Variants in MANBA observed in about 807,000 individuals in gnomAD.
MANBA encodes the protein beta-mannosidase.
In MANBA, 83 loss-of-function variants were observed where a neutral mutation model predicts 111.1. The observed-to-expected ratio is 0.75, with a 90% CI of 0.63 to 0.90. The LOEUF (loss-of-function observed/expected upper bound fraction) is 0.90. Ranked by LOEUF, MANBA falls within the 40% of genes least tolerant of loss-of-function variation. The pLI, the probability that MANBA is intolerant of heterozygous loss-of-function variation, is 0.00. For missense variants in MANBA, 1,036 were observed against 1,069.0 expected, an observed-to-expected ratio of 0.97 and a Z score of 0.43; for synonymous variants, 370 against 378.7, an observed-to-expected ratio of 0.98 and a Z score of 0.27.
chr4:102,706,109 C>T (rs1039008399), intron 5 of MANBA, among the ~76,000 whole-genome samples: 14 of 152,192 alleles, frequency 9.2e-5, no homozygotes, highest in African/African-American at 3.4e-4. Context: ...ACTGCCACTG[C>T]CAGCACCCAA....
chr4:102,731,158 A>G (rs992001521), intron 1 of MANBA, among the ~76,000 whole-genome samples: 2 of 152,088 alleles, frequency 1.3e-5, no homozygotes, highest in Non-Finnish European at 1.5e-5. Flanking sequence ...ACCCTTCTGC[A>G]GAAGTAAATT....
chr4:102,731,895 C>CT (rs1723044616), intron 1 of MANBA, among the ~76,000 whole-genome samples: 1 of 150,586 alleles, frequency 6.6e-6, no homozygotes, highest in Admixed American at 6.6e-5. Flanking sequence ...CTCCTACCCC[C>CT]TTTCCACTCT....
chr4:102,738,933 A>G (rs1723309747), intron 1 of MANBA, among the ~76,000 whole-genome samples: 1 of 152,252 alleles, frequency 6.6e-6, no homozygotes, highest in South Asian at 2.1e-4. Flanking sequence ...TGAAAATGAA[A>G]GACATACTTA....
At position 102,758,917 on chromosome 4, in the gene MANBA, T is replaced by C. The variant is rs72937873; in HGVS notation, c.177+1801A>G. ...CCATTTGAGACCCATGGCCACCTGA[T>C]TGAAACCTCAAGGTTTTGCTAAGAA... is the stretch of plus-strand genomic sequence containing the variant. On this transcript the variant is annotated intron_variant, in intron 1 of 16. Transcript: ENST00000647097. Among the ~76,000 whole-genome samples, 272 of 152,266 alleles carry C rather than the reference T, an allele frequency of 1.8e-3. 1 individual carries two copies. Among genetic ancestry groups the C allele is most frequent in the African/African-American group, 6.3e-3 (260 of 41,556 alleles).
intron 1 of MANBA, among the ~76,000 whole-genome samples, chr4:102,760,325 T>C (rs938995440): frequency 5.9e-5 from 9 of 152,180 alleles, no homozygotes; most frequent in Admixed American, 5.9e-4. Context: ...AACCCTTACT[T>C]AACAAAACGC....
rs370816579 is a variant in MANBA at position 102,642,825 on chromosome 4, T to C, written c.1870-2968A>G. On this transcript the variant is annotated intron_variant, in intron 13 of 16. Coordinates refer to ENST00000647097, the MANE Select transcript of MANBA (RefSeq NM_005908.4). The stretch of plus-strand genomic sequence containing the variant: ...GTGATGGAGTTGTAGCTGGACTACA[T>C]TTTCCAGAAACACACCCCAACCCCT... Among the ~76,000 whole-genome samples the C allele has an allele frequency of 2.6e-5, 4 of 152,124 alleles. No homozygotes were observed. In the South Asian group the frequency reaches 6.2e-4, roughly 24 times the overall value.
At chr4:102,725,748 T>C (rs1309398499) in intron 2 of MANBA, among the ~76,000 whole-genome samples, 1 of 151,946 alleles carries the variant, frequency 6.6e-6, no homozygotes, top group Non-Finnish European at 1.5e-5. Context: ...AAGATGGAAA[T>C]GAGATGGAAG....
At chr4:102,680,404 G>A (rs1731909378) in intron 7 of MANBA, among the ~76,000 whole-genome samples, 2 of 152,126 alleles carry the variant, frequency 1.3e-5, no homozygotes, top group Non-Finnish European at 1.5e-5. Flanking sequence ...GCTGATTCAC[G>A]TGTCCACATT....
intron 5 of MANBA, among the ~76,000 whole-genome samples, chr4:102,693,099 G>A (rs1322951597): frequency 6.6e-6 from 1 of 152,104 alleles, no homozygotes; most frequent in Non-Finnish European, 1.5e-5. Flanking sequence ...AATACTAGTC[G>A]ATGAGCTCTG....
At chr4:102,738,331 C>A (rs1265180738) in intron 1 of MANBA, among the ~76,000 whole-genome samples, 2 of 152,244 alleles carry the variant, frequency 1.3e-5, no homozygotes, top group African/African-American at 4.8e-5. Flanking sequence ...AATGAAGCTA[C>A]AACCAAGGAC....
chr4:102,648,110 A>C (rs1730179352), intron 13 of MANBA, among the ~76,000 whole-genome samples: 1 of 152,128 alleles, frequency 6.6e-6, no homozygotes, highest in Non-Finnish European at 1.5e-5. Context: ...TCACAGGTTC[A>C]TGAACTAAAA....
At chr4:102,727,817 A>G in intron 1 of MANBA, 2 of 634,186 alleles carry the variant, frequency 3.2e-6, no homozygotes, top group Middle Eastern at 4.5e-4. Flanking sequence ...ATGGAGAAAT[A>G]CTTCCGGAAA....
chr4:102,729,861 G>A, intron 1 of MANBA: 2 of 1,497,168 alleles, frequency 1.3e-6, no homozygotes, highest in Non-Finnish European at 1.9e-6. Context: ...GTCTATGAAG[G>A]AGGCAAACTT....
In MANBA at chr4:102,690,606, T is replaced by A; in HGVS notation, c.839A>T (p.Asn280Ile). ...AGTACCATCATTTACCTTGCTAATG[T>A]TCACAAATAGCTCAACAATCCTTTT... is the stretch of plus-strand genomic sequence containing the variant. ...PGKRIVELFV[N>I]ISKNITVETW... Residue 280 changes from asparagine to isoleucine, a missense_variant, in exon 6 of 17, where the codon AAC becomes ATC. Coordinates refer to ENST00000647097, the MANE Select transcript of MANBA (RefSeq NM_005908.4). The A allele has an allele frequency of 6.2e-7, 1 of 1,611,158 alleles. No individual in the cohort carries two copies. Among genetic ancestry groups the A allele is most frequent in the Non-Finnish European group, 8.5e-7 (1 of 1,178,056 alleles).
chr4:102,755,297 A>C (rs1036081843), intron 1 of MANBA, among the ~76,000 whole-genome samples: 12 of 152,184 alleles, frequency 7.9e-5, no homozygotes, highest in African/African-American at 2.7e-4. Context: ...AACAGAACAG[A>C]GCCCTCAGAA....
At chr4:102,650,829 C>G (rs1400670016) in intron 12 of MANBA, 128 bp from the exon 13 acceptor site, 5 of 734,008 alleles carry the variant, frequency 6.8e-6, no homozygotes, top group Non-Finnish European at 1.2e-5. Flanking sequence ...TCTGTGGCTC[C>G]AGTTTCATAA....
intron 11 of MANBA, among the ~76,000 whole-genome samples, chr4:102,664,232 T>C (rs1731099880): frequency 6.6e-6 from 1 of 152,204 alleles, no homozygotes; most frequent in Non-Finnish European, 1.5e-5. Flanking sequence ...AATCCTTTCA[T>C]CTGCTGCTGC....
At chr4:102,692,037 C>T (rs1289708753) in intron 5 of MANBA, among the ~76,000 whole-genome samples, 1 of 152,052 alleles carries the variant, frequency 6.6e-6, no homozygotes, top group East Asian at 1.9e-4. Flanking sequence ...TGGGTCTTTT[C>T]GAACAGGTAA....
At chr4:102,664,079 C>T (rs1229034653) in intron 11 of MANBA, among the ~76,000 whole-genome samples, 2 of 152,176 alleles carry the variant, frequency 1.3e-5, no homozygotes, top group Non-Finnish European at 2.9e-5. Context: ...CAATAATCAT[C>T]GAATCTAGAG....
Sources: gnomAD v4.1 joint callset for allele counts (sites outside exome capture counted in the v4.1 genomes callset) on GRCh38, gnomAD v4.1.1 for gene constraint, MANE v1.5 for transcripts, NCBI Gene and HGNC (gene_info 2026-07-23, HGNC 2026-07-21) for gene names.